The following GALNTL6 variants were observed in gnomAD, a reference collection of about 807,000 sequenced individuals.
GALNTL6 encodes polypeptide N-acetylgalactosaminyltransferase-like 6.
A neutral mutation model predicts 73.7 loss-of-function variants in GALNTL6; 46 were observed. That is an observed-to-expected ratio of 0.62 (90% CI 0.49 to 0.80). The LOEUF is 0.80. Among genes scored for constraint, GALNTL6 ranks in the 30% least tolerant of loss-of-function variants. The probability of loss-of-function intolerance (pLI) is 0.00; values close to 1 mark genes in which losing one functional copy is unlikely to be tolerated. For synonymous variants in GALNTL6, 259 were observed against 263.7 expected, an observed-to-expected ratio of 0.98 and a Z score of 0.17; for missense variants, 604 against 755.0, an observed-to-expected ratio of 0.80 and a Z score of 2.34.
chr4:172,752,358 G>A (rs1737475121), intron 5 of GALNTL6, among the ~76,000 whole-genome samples: 1 of 151,940 alleles, frequency 6.6e-6, no homozygotes, highest in Non-Finnish European at 1.5e-5. Context: ...CAAACAATAT[G>A]GTTAGCATTT....
intron 5 of GALNTL6, among the ~76,000 whole-genome samples, chr4:172,482,907 T>C (rs912876736): frequency 2.6e-5 from 4 of 152,204 alleles, no homozygotes; most frequent in Non-Finnish European, 4.4e-5. Context: ...TCTAAAGATA[T>C]CATTTTACAT....
intron 5 of GALNTL6, among the ~76,000 whole-genome samples, chr4:172,534,104 A>T (rs1735261643): frequency 6.6e-6 from 1 of 152,210 alleles, no homozygotes; most frequent in Non-Finnish European, 1.5e-5. Flanking sequence ...CGGGGAAATG[A>T]TTGGAACGTT....
At chr4:172,863,314 C>T (rs1409968185) in intron 7 of GALNTL6, among the ~76,000 whole-genome samples, 5 of 152,130 alleles carry the variant, frequency 3.3e-5, no homozygotes, top group Non-Finnish European at 5.9e-5. Context: ...TCACAGCTTC[C>T]ACCATGGGCC....
intron 2 of GALNTL6, among the ~76,000 whole-genome samples, chr4:172,128,811 C>T (rs1733374535): frequency 6.6e-6 from 1 of 152,122 alleles, no homozygotes; most frequent in African/African-American, 2.4e-5. Flanking sequence ...CAATGCAGGG[C>T]AGGATGCTTT....
At chr4:171,959,843 T>A (rs147523108) in intron 2 of GALNTL6, among the ~76,000 whole-genome samples, 55 of 152,202 alleles carry the variant, frequency 3.6e-4, no homozygotes, top group African/African-American at 1.3e-3. Flanking sequence ...ATAGAAATAA[T>A]CTCCCTTTAT....
chr4:172,011,960 C>T (rs1741022139), intron 2 of GALNTL6, among the ~76,000 whole-genome samples: 1 of 151,796 alleles, frequency 6.6e-6, no homozygotes, highest in Non-Finnish European at 1.5e-5. Flanking sequence ...TAAGACCTTG[C>T]TAAGTAATGG....
At chr4:172,097,646 C>G (rs566697678) in intron 2 of GALNTL6, among the ~76,000 whole-genome samples, 1 of 152,000 alleles carries the variant, frequency 6.6e-6, no homozygotes, top group Admixed American at 6.5e-5. Flanking sequence ...GATGGCAGAG[C>G]AAAAAAGGAG....
chr4:172,087,468 C>CAA (rs144994225), intron 2 of GALNTL6, among the ~76,000 whole-genome samples: 5 of 141,116 alleles, frequency 3.5e-5, no homozygotes, highest in African/African-American at 1.1e-4. Context: ...ACAAAAAAAA[C>CAA]AAAAAAAACA....
intron 5 of GALNTL6, among the ~76,000 whole-genome samples, chr4:172,724,962 G>T (rs1188595914): frequency 1.3e-5 from 2 of 152,062 alleles, no homozygotes; most frequent in Non-Finnish European, 2.9e-5. Flanking sequence ...AGGACACCCA[G>T]ACATGATTTC....
chr4:171,897,928 AAAAT>A (rs939074948), intron 2 of GALNTL6, among the ~76,000 whole-genome samples: 5 of 151,294 alleles, frequency 3.3e-5, no homozygotes, highest in Non-Finnish European at 7.4e-5. Flanking sequence ...CTCTGTCTCA[AAAAT>A]AAATAAATAA....
intron 2 of GALNTL6, among the ~76,000 whole-genome samples, chr4:172,219,809 A>G (rs542365047): frequency 9.2e-5 from 14 of 152,088 alleles, no homozygotes; most frequent in Admixed American, 8.5e-4. Flanking sequence ...GACAAATTAT[A>G]TTTATGCTAG....
chr4:172,314,125 T>C (rs975962808), intron 4 of GALNTL6, among the ~76,000 whole-genome samples: 1 of 152,220 alleles, frequency 6.6e-6, no homozygotes, highest in Non-Finnish European at 1.5e-5. Flanking sequence ...AATTATAAGA[T>C]CAACTTGTGA....
chr4:171,851,350 A>G (rs1735518258), intron 2 of GALNTL6, among the ~76,000 whole-genome samples: 1 of 152,158 alleles, frequency 6.6e-6, no homozygotes, highest in Admixed American at 6.5e-5. Flanking sequence ...GATGTGACCA[A>G]TTGCTTTAAA....
intron 5 of GALNTL6, among the ~76,000 whole-genome samples, chr4:172,451,397 T>C (rs1732201665): frequency 6.6e-6 from 1 of 152,234 alleles, no homozygotes; most frequent in African/African-American, 2.4e-5. Context: ...TAATAGTTCT[T>C]AGCTCTTAGA....
intron 2 of GALNTL6, among the ~76,000 whole-genome samples, chr4:172,087,450 AAAAAAAAACAAAAAAAAC>A (rs1385384527): frequency 1.4e-5 from 2 of 147,790 alleles, no homozygotes; most frequent in Non-Finnish European, 3.0e-5. Context: ...ATCCCAAAAA[AAAAAAAAACAAAAAAAAC>A]AAAAAAAACA....
chr4:172,690,483 G>T (rs1418301361), intron 5 of GALNTL6, among the ~76,000 whole-genome samples: 3 of 152,104 alleles, frequency 2.0e-5, no homozygotes, highest in Admixed American at 1.3e-4. Flanking sequence ...AGATTTTAAT[G>T]TGCCTAATAA....
At chr4:172,192,939 A>G (rs1313536512) in intron 2 of GALNTL6, among the ~76,000 whole-genome samples, 1 of 152,052 alleles carries the variant, frequency 6.6e-6, no homozygotes, top group Non-Finnish European at 1.5e-5. Flanking sequence ...ACCCTGATCC[A>G]TTTCTCCTCA....
intron 3 of GALNTL6, among the ~76,000 whole-genome samples, chr4:172,280,562 T>C (rs1470506454): frequency 2.0e-5 from 3 of 151,930 alleles, no homozygotes; most frequent in South Asian, 4.1e-4. Flanking sequence ...AGACTGTAAA[T>C]AATTATTTAA....
chr4:171,974,523 A>G (rs332967), intron 2 of GALNTL6, among the ~76,000 whole-genome samples: 61,311 of 151,708 alleles, frequency 0.4, 12,857 homozygotes, highest in Middle Eastern at 0.55. Flanking sequence ...AAGGTTATTT[A>G]TAAATGAGAT....
Sources: gnomAD v4.1 joint callset for allele counts (sites outside exome capture counted in the v4.1 genomes callset) on GRCh38, gnomAD v4.1.1 for gene constraint, MANE v1.5 for transcripts, NCBI Gene and HGNC (gene_info 2026-07-23, HGNC 2026-07-21) for gene names.